SOS2: variants seen among roughly 807,000 people sequenced by gnomAD.
SOS2 encodes the protein son of sevenless homolog 2.
A neutral mutation model predicts 148.2 loss-of-function variants in SOS2; 65 were observed. That is an observed-to-expected ratio of 0.44 (90% CI 0.36 to 0.54). The LOEUF (loss-of-function observed/expected upper bound fraction) is 0.54, where lower values mean the gene tolerates loss of function less well. Among genes scored for constraint, SOS2 ranks in the 20% least tolerant of loss-of-function variants. The pLI, the probability that SOS2 is intolerant of heterozygous loss-of-function variation, is 0.00. For synonymous variants in SOS2, 539 were observed against 537.1 expected (o/e 1.00, Z -0.05); for missense variants, 1,341 against 1,590.2 (o/e 0.84, Z 2.67).
intron 4 of SOS2, among the ~76,000 whole-genome samples, chr14:50,189,753 T>G (rs1886062306): frequency 6.6e-6 from 1 of 152,224 alleles, no homozygotes. Flanking sequence ...CAACCACTTC[T>G]TCTTTCAGAA....
intron 7 of SOS2, among the ~76,000 whole-genome samples, chr14:50,177,121 C>A: frequency 6.6e-6 from 1 of 152,040 alleles, no homozygotes; most frequent in Non-Finnish European, 1.5e-5. Context: ...GTCAACAGAA[C>A]AGCCTAGCCA....
rs1450093291 is a variant in SOS2, at chr14:50,178,703, T to C, written c.969+1869A>G. ...ATATATATATATATATATATATATA[T>C]ATATATATACACACATATACACACA... On this transcript the variant is annotated intron_variant, in intron 7 of 22. Transcript: ENST00000216373. Among the ~76,000 whole-genome samples the C allele has an allele frequency of 8.0e-3, 144 of 18,046 alleles. 2 individuals are homozygous for C. The highest frequency in any genetic ancestry group is 0.021 in the African/African-American group (119 of 5,714). 11.8% of individuals were successfully genotyped at this position (18,046 alleles called of 152,430 possible).
intron 8 of SOS2, among the ~76,000 whole-genome samples, chr14:50,165,421 ACT>A (rs1345947761): frequency 1.3e-5 from 2 of 152,050 alleles, no homozygotes. Flanking sequence ...CCGCGCACAC[ACT>A]GTTCTCTCTC....
chr14:50,129,665 G>A (rs1268556374), intron 21 of SOS2, among the ~76,000 whole-genome samples: 3 of 152,208 alleles, frequency 2.0e-5, no homozygotes, highest in Non-Finnish European at 4.4e-5. Context: ...GATTACAGGC[G>A]TGAGCCACCA....
In SOS2 at chr14:50,153,148, C is replaced by A. The variant is rs763597432; in HGVS notation, c.2083G>T (p.Val695Phe). 12 of 1,602,100 alleles carry A rather than the reference C, an allele frequency of 7.5e-6. No individual in the cohort carries two copies. Among genetic ancestry groups the A allele is most frequent in the Non-Finnish European group, 6.8e-6 (8 of 1,170,912 alleles). Residue 695 changes from valine to phenylalanine, a missense_variant, in exon 13 of 23, where the codon GTT becomes TTT. Physicochemically the swap from Val to Phe is conservative, Grantham distance 50. Around this residue, in one of 4 missense-constraint regions of SOS2, gnomAD observed 408 missense variants for 506.6 expected, o/e 0.81. Transcript: ENST00000216373. Reference protein sequence around the residue: ...LRILNVFRHWVEHHFYDFERD... With the variant: ...LRILNVFRHWFEHHFYDFERD... The stretch of plus-strand genomic sequence containing the variant: ...TCAAAGTCATAAAAATGATGTTCAA[C>A]CCAATGCCGAAATACATTTAAGATC...
chr14:50,164,707 G>A (rs1432561191), intron 8 of SOS2, among the ~76,000 whole-genome samples: 1 of 151,820 alleles, frequency 6.6e-6, no homozygotes, highest in African/African-American at 2.4e-5. Context: ...GTACTTTCAT[G>A]CCCCCATTCG....
chr14:50,168,567 T>C (rs12886438), intron 8 of SOS2, among the ~76,000 whole-genome samples: 45,449 of 152,060 alleles, frequency 0.3, 7,867 homozygotes, highest in Non-Finnish European at 0.4. Flanking sequence ...CTCATTTTTT[T>C]AGTCAGCTTG....
At chr14:50,183,593 A>G (rs1885815107) in intron 5 of SOS2, among the ~76,000 whole-genome samples, 1 of 152,188 alleles carries the variant, frequency 6.6e-6, no homozygotes, top group African/African-American at 2.4e-5. Flanking sequence ...ATTCTAAGCT[A>G]CTTTTTACAT....
rs1884157587 is a variant in SOS2 at position 50,138,427 on chromosome 14, C to T, written c.2958+185G>A. Among the ~76,000 whole-genome samples the T allele has an allele frequency of 3.9e-5, 6 of 152,236 alleles. No individual in the cohort carries two copies. The South Asian group carries it at 1.2e-3, about 32-fold the overall frequency. On this transcript the variant is annotated intron_variant, in intron 18 of 22. Coordinates refer to ENST00000216373, the MANE Select transcript of SOS2 (RefSeq NM_006939.4). ...CCGCCCGCCTTGGCCTCCCAAAGTG[C>T]TGGGATTACAGGCGTGAGCCACAGT...
intron 13 of SOS2, 82 bp downstream of exon 13, chr14:50,152,988 G>T: frequency 1.5e-6 from 1 of 662,472 alleles, no homozygotes; most frequent in Non-Finnish European, 2.6e-6. Flanking sequence ...AGAGAGAAAT[G>T]TTTTAGTTTC....
At chr14:50,139,012 T>C (rs1884176698) in intron 17 of SOS2, among the ~76,000 whole-genome samples, 3 of 152,110 alleles carry the variant, frequency 2.0e-5, no homozygotes, top group Admixed American at 6.5e-5. Context: ...TACTGGCTTG[T>C]ACAAAAATAA....
chr14:50,204,220 T>A, intron 2 of SOS2, 64 bp downstream of exon 2: 2 of 968,038 alleles, frequency 2.1e-6, no homozygotes, highest in Non-Finnish European at 3.0e-6. Context: ...TAGAATGATA[T>A]AGATACAAAA....
At chr14:50,177,108 A>G (rs1183150872) in intron 7 of SOS2, among the ~76,000 whole-genome samples, 1 of 152,080 alleles carries the variant, frequency 6.6e-6, no homozygotes, top group East Asian at 1.9e-4. Context: ...ATGGTGCCTC[A>G]TGGTCAACAG....
intron 8 of SOS2, among the ~76,000 whole-genome samples, chr14:50,170,570 T>A (rs532323183): frequency 1.3e-5 from 2 of 151,846 alleles, no homozygotes; most frequent in South Asian, 4.2e-4. Flanking sequence ...TCCGTAGTCC[T>A]AGCTACGTGG....
rs1467644318 is a variant in SOS2, at chr14:50,138,672, A to G, written c.2898T>C (p.Thr966=). ...FSKRRKVAEI[T]GEIQQYQNQP... is the part of the protein sequence containing the mutation. Reference sequence around the variant, plus strand: ...GATTCTGATACTGCTGAATTTCTCCAGTAATTTCAGCTACTTTCCTCCTCT... The same window carrying G: ...GATTCTGATACTGCTGAATTTCTCCGGTAATTTCAGCTACTTTCCTCCTCT... The change falls in exon 18 of 23, where the codon ACT becomes ACC. Residue 966 remains threonine (T), a synonymous_variant. Coordinates refer to ENST00000216373, the MANE Select transcript of SOS2 (RefSeq NM_006939.4). The G allele has an allele frequency of 2.5e-6, 4 of 1,575,616 alleles. No individual in the cohort carries two copies. The highest frequency in any genetic ancestry group is 2.3e-5 in the East Asian group (1 of 43,322).
Position 50,227,201 on chromosome 14 carries a change from A to G in SOS2, c.87+3996T>C, listed in dbSNP as rs554367749. On this transcript the variant is annotated intron_variant, in intron 1 of 22. Transcript: ENST00000216373. ...TTTCTATTCCCAAAATTATTTTTCC[A>G]TAAACCTATTTGTCTATCTCTGTGT... 4.0e-5 allele frequency among the ~76,000 whole-genome samples: 6 copies of G among 151,540 alleles called. No homozygotes were observed. In the South Asian group the frequency reaches 1.3e-3, roughly 32 times the overall value.
Position 50,227,418 on chromosome 14 carries a change from AT to A in SOS2, c.87+3778del, listed in dbSNP as rs544052469. 8.7e-3 allele frequency among the ~76,000 whole-genome samples: 1,031 copies of A among 119,022 alleles called. 6 individuals carry two copies. The highest frequency in any genetic ancestry group is 0.018 in the African/African-American group (582 of 31,684). 78.1% of individuals were successfully genotyped at this position (119,022 alleles called of 152,430 possible). A position where few individuals can be genotyped will look rare whatever the true frequency, so the allele number is the denominator to read the frequency against. The stretch of plus-strand genomic sequence containing the variant: ...ACCACCACACTTGGCTAATTTTGGT[AT>A]TTTTTTTTTTTGAGACAGAGTCTTA... On this transcript the variant is annotated intron_variant, in intron 1 of 22. Coordinates refer to ENST00000216373, the MANE Select transcript of SOS2 (RefSeq NM_006939.4).
At position 50,188,563 on chromosome 14, in the gene SOS2, T is replaced by C; in HGVS notation, c.648A>G (p.Glu216=). The C allele has an allele frequency of 1.2e-6, 2 of 1,605,860 alleles. No individual in the cohort carries two copies. ...GAAACACTTTTATGATCATATTTAA[T>C]TCCCGTAGATACTGTCTTTCTTCTG... is the stretch of plus-strand genomic sequence containing the variant. ...EIAEERQYLR[E]LNMIIKVFRE... Residue 216 remains glutamate, a synonymous_variant, in exon 5 of 23, where the codon GAA becomes GAG. Transcript: ENST00000216373.
At chr14:50,156,860 GT>G (rs1421321178) in intron 12 of SOS2, 138 bp downstream of exon 12, 2 of 444,404 alleles carry the variant, frequency 4.5e-6, no homozygotes, top group Admixed American at 3.7e-5. Flanking sequence ...CTGCTGTGAA[GT>G]TAAAAATATT....
Sources: allele counts gnomAD v4.1 joint callset (sites outside exome capture counted in the v4.1 genomes callset), GRCh38; gene constraint gnomAD v4.1.1; regional missense constraint gnomAD v4.1.1; transcripts MANE v1.5; gene names NCBI Gene and HGNC (gene_info 2026-07-23, HGNC 2026-07-21).